Variants in AGPAT3 observed in about 807,000 individuals in gnomAD.
AGPAT3 encodes the protein 1-acyl-sn-glycerol-3-phosphate acyltransferase gamma.
A neutral mutation model predicts 47.3 loss-of-function variants in AGPAT3; 5 were observed. That is an observed-to-expected ratio of 0.11 (90% CI 0.06 to 0.22). The LOEUF is 0.22. Ranked by LOEUF, AGPAT3 falls within the 10% of genes least tolerant of loss-of-function variation. AGPAT3 has a pLI of 1.00. For missense variants in AGPAT3, 315 were observed against 493.0 expected (o/e 0.64, Z 3.42); for synonymous variants, 212 against 208.3 (o/e 1.02, Z -0.15).
At position 43,971,592 on chromosome 21, in the gene AGPAT3, C is replaced by T. The variant is rs1322655137; in HGVS notation, c.767+102C>T. 7.6e-6 allele frequency: 8 copies of T among 1,053,238 alleles called. 1 individual carries two copies. In the South Asian group the frequency reaches 9.7e-5, roughly 13 times the overall value. 65.2% of individuals were successfully genotyped at this position (1,053,238 alleles called of 1,614,324 possible). A position where few individuals can be genotyped will look rare whatever the true frequency, so the allele number is the denominator to read the frequency against. On this transcript the variant is annotated intron_variant, in intron 7 of 9. Transcript: ENST00000291572. ...GGCTGGGTCCAGGCCCCACGTCCCA[C>T]AGCCCCGCAGGGTGGAACTCACACG...
intron 1 of AGPAT3, among the ~76,000 whole-genome samples, chr21:43,884,778 G>T (rs368447360): frequency 6.6e-6 from 1 of 152,006 alleles, no homozygotes; most frequent in Non-Finnish European, 1.5e-5. Flanking sequence ...CTGGTGCTGG[G>T]TACTGGGTGC....
intron 2 of AGPAT3, among the ~76,000 whole-genome samples, chr21:43,949,686 T>C (rs1391981523): frequency 6.6e-6 from 1 of 152,230 alleles, no homozygotes; most frequent in Non-Finnish European, 1.5e-5. Context: ...ACGGGGTTTT[T>C]CCATTTGTTC....
chr21:43,936,186 A>G (rs547124488), intron 2 of AGPAT3, among the ~76,000 whole-genome samples: 2 of 152,342 alleles, frequency 1.3e-5, no homozygotes, highest in African/African-American at 4.8e-5. Flanking sequence ...TCTGCAGCCC[A>G]AAGAGTCCAG....
chr21:43,975,895 G>T (rs1220432233), intron 7 of AGPAT3, among the ~76,000 whole-genome samples: 1 of 151,986 alleles, frequency 6.6e-6, no homozygotes, highest in Non-Finnish European at 1.5e-5. Flanking sequence ...GACGGCCGTC[G>T]CAGGGAAGAG....
At chr21:43,886,595 C>T (rs778760792) in intron 1 of AGPAT3, among the ~76,000 whole-genome samples, 5 of 152,112 alleles carry the variant, frequency 3.3e-5, no homozygotes, top group Non-Finnish European at 5.9e-5. Flanking sequence ...TTTTTATACC[C>T]ATTAACCTCC....
At position 43,883,938 on chromosome 21, in the gene AGPAT3, C is replaced by G. The variant is rs1381512393; in HGVS notation, c.-112+18593C>G. ...AGAGACGGGGTTTCTCCATGTTGGT[C>G]GGGCTGGTCTTGAACTCCTGAGCTC... On this transcript the variant is annotated intron_variant, in intron 1 of 9. Coordinates refer to ENST00000291572, the MANE Select transcript of AGPAT3 (RefSeq NM_020132.5). Among the ~76,000 whole-genome samples, 3 of 152,102 alleles carry G rather than the reference C, an allele frequency of 2.0e-5. No homozygotes were observed. In the East Asian group the frequency reaches 5.8e-4, roughly 29 times the overall value.
In AGPAT3 at chr21:43,930,465, A is replaced by G. The variant is rs2087205251; in HGVS notation, c.-49+26446A>G. 6.6e-6 allele frequency among the ~76,000 whole-genome samples: 1 copy of G among 152,082 alleles called. No homozygotes were observed. Among genetic ancestry groups the G allele is most frequent in the Admixed American group, 6.5e-5 (1 of 15,278 alleles). On this transcript the variant is annotated intron_variant, in intron 2 of 9. Coordinates refer to ENST00000291572, the MANE Select transcript of AGPAT3 (RefSeq NM_020132.5). This position sits in a 1 kb window ranked among gnomAD's most constrained non-coding sequence, Gnocchi z 5.0. ...TGCCCGTGCGACCTCAGCGTGGCCCATGGGACCTCGCTGTGGTGTGTCTCA... is the reference window on the plus strand; with the variant it reads ...TGCCCGTGCGACCTCAGCGTGGCCCGTGGGACCTCGCTGTGGTGTGTCTCA...
At chr21:43,929,404 T>C (rs1446977900) in intron 2 of AGPAT3, among the ~76,000 whole-genome samples, 1 of 152,224 alleles carries the variant, frequency 6.6e-6, no homozygotes. Context: ...TCCTGGAGCC[T>C]CTGCCACCAC....
chr21:43,963,728 A>G (rs2088989589), intron 3 of AGPAT3, among the ~76,000 whole-genome samples: 1 of 151,046 alleles, frequency 6.6e-6, no homozygotes, highest in African/African-American at 2.4e-5. Flanking sequence ...AAAAAAAAAA[A>G]AAGATAAGGA....
chr21:43,968,252 A>T, intron 4 of AGPAT3, 137 bp downstream of exon 4: 1 of 401,370 alleles, frequency 2.5e-6, no homozygotes, highest in Non-Finnish European at 3.3e-6. Flanking sequence ...ACTGGGAGTG[A>T]GCTGGGCGGG....
chr21:43,937,201 C>G lies in AGPAT3; in HGVS notation c.-48-22433C>G, dbSNP rs909165169. On this transcript the variant is annotated intron_variant, in intron 2 of 9. Transcript: ENST00000291572. ...GGCTTGCTGTTATCACAGGGGTACC[C>G]ATGAGTGACTTTTGGATTTTGGGAA... Among the ~76,000 whole-genome samples the G allele has an allele frequency of 7.2e-5, 11 of 152,308 alleles. No homozygotes were observed. The East Asian group carries it at 2.1e-3, about 29-fold the overall frequency.
intron 2 of AGPAT3, chr21:43,950,639 G>A (rs1441039226): frequency 1.3e-5 from 2 of 152,228 alleles, no homozygotes; most frequent in Non-Finnish European, 2.9e-5. Context: ...ATGTCAGAGA[G>A]CCTGCAACCG....
chr21:43,981,760 C>T lies in AGPAT3; in HGVS notation c.1043-544C>T, dbSNP rs988088712. 2.6e-5 allele frequency among the ~76,000 whole-genome samples: 4 copies of T among 152,042 alleles called. No homozygotes were observed. The highest frequency in any genetic ancestry group is 7.2e-5 in the African/African-American group (3 of 41,396). On this transcript the variant is annotated intron_variant, in intron 9 of 9. Coordinates refer to ENST00000291572, the MANE Select transcript of AGPAT3 (RefSeq NM_020132.5). The surrounding 1 kb of genome is among the most constrained non-coding windows in gnomAD (Gnocchi z 5.3). ...GAGACACAGTCCGTGTGCATCGCCC[C>T]GTGAGCCGACTCCCCAGGCCCAGCA...
At chr21:43,979,975 C>T (rs923167242) in intron 8 of AGPAT3, among the ~76,000 whole-genome samples, 3 of 152,090 alleles carry the variant, frequency 2.0e-5, no homozygotes, top group African/African-American at 4.8e-5. Flanking sequence ...TAACAGTCTC[C>T]AACCATCTTT....
At chr21:43,916,472 G>A (rs1199627509) in intron 2 of AGPAT3, 3 of 149,238 alleles carry the variant, frequency 2.0e-5, no homozygotes, top group African/African-American at 5.0e-5. Context: ...TAGTTTTAGC[G>A]TTATATTCCT....
intron 4 of AGPAT3, 79 bp from the exon 5 acceptor site, chr21:43,969,039 G>A: frequency 6.8e-7 from 1 of 1,477,600 alleles, no homozygotes; most frequent in Non-Finnish European, 9.3e-7. Context: ...CAGGAGCTGG[G>A]TGCAGCGGGA....
intron 1 of AGPAT3, among the ~76,000 whole-genome samples, chr21:43,892,006 G>T (rs763003649): frequency 1.6e-4 from 24 of 151,876 alleles, no homozygotes; most frequent in Non-Finnish European, 3.1e-4. Flanking sequence ...ATAAGACTTG[G>T]CAGTATAAAT....
intron 3 of AGPAT3, among the ~76,000 whole-genome samples, chr21:43,962,107 T>G (rs1175803327): frequency 6.6e-6 from 1 of 151,886 alleles, no homozygotes; most frequent in East Asian, 1.9e-4. Flanking sequence ...TTCACGCCAT[T>G]CTCCTGCCTC....
At position 43,876,867 on chromosome 21, in the gene AGPAT3, G is replaced by GT. The variant is rs558330383; in HGVS notation, c.-112+11531dup. On this transcript the variant is annotated intron_variant, in intron 1 of 9. Transcript: ENST00000291572. Reference sequence around the variant, plus strand: ...GTTTTGTTTTTTGTTTGTTTTATTTGTTTTTTTTTGAGACAAAGTCTCACT... The same window carrying GT: ...GTTTTGTTTTTTGTTTGTTTTATTTGTTTTTTTTTTGAGACAAAGTCTCACT... Among the ~76,000 whole-genome samples, 1,030 of 150,820 alleles carry GT rather than the reference G, an allele frequency of 6.8e-3. 9 individuals are homozygous for GT. Among genetic ancestry groups the GT allele is most frequent in the African/African-American group, 0.021 (869 of 41,096 alleles).
Sources: gnomAD v4.1 joint callset for allele counts (sites outside exome capture counted in the v4.1 genomes callset) on GRCh38, gnomAD v4.1.1 for gene constraint, Gnocchi (gnomAD v3.1) non-coding constraint, MANE v1.5 for transcripts, NCBI Gene and HGNC (gene_info 2026-07-23, HGNC 2026-07-21) for gene names.